Variants in MCU observed in about 807,000 individuals in gnomAD.
MCU encodes calcium uniporter protein, mitochondrial.
Under a neutral mutation model 45.2 loss-of-function variants are expected in MCU, and 12 were observed. The observed-to-expected ratio is 0.27, with a 90% CI of 0.17 to 0.43. The LOEUF is 0.43. Ranked by LOEUF, MCU falls within the 20% of genes least tolerant of loss-of-function variation. The pLI is 1.00. For synonymous variants in MCU, 160 were observed against 165.1 expected (o/e 0.97, Z 0.24); for missense variants, 324 against 436.7 (o/e 0.74, Z 2.30).
chr10:72,838,590 T>C (rs1004348800), intron 2 of MCU, among the ~76,000 whole-genome samples: 3 of 152,132 alleles, frequency 2.0e-5, no homozygotes, highest in African/African-American at 7.2e-5. Flanking sequence ...GAGCTTTGAC[T>C]GCTCACTGCT....
chr10:72,699,973 T>C (rs766431658), intron 1 of MCU, among the ~76,000 whole-genome samples: 4 of 152,074 alleles, frequency 2.6e-5, no homozygotes, highest in Non-Finnish European at 5.9e-5. Context: ...TCCTATTCAA[T>C]TCTTTTCCTA....
At chr10:72,821,101 A>G (rs1487972971) in intron 1 of MCU, among the ~76,000 whole-genome samples, 2 of 152,102 alleles carry the variant, frequency 1.3e-5, no homozygotes, top group Non-Finnish European at 2.9e-5. Flanking sequence ...TTTTTTGTTA[A>G]CTTTGTAACT....
At chr10:72,744,520 C>T (rs1033753550) in intron 1 of MCU, among the ~76,000 whole-genome samples, 1 of 152,170 alleles carries the variant, frequency 6.6e-6, no homozygotes, top group Admixed American at 6.5e-5. Flanking sequence ...GTCCCAGCTA[C>T]TCGGGAGGCT....
At position 72,802,239 on chromosome 10, in the gene MCU, A is replaced by C. The variant is rs143240971; in HGVS notation, c.151-32120A>C. 9.5e-4 allele frequency among the ~76,000 whole-genome samples: 145 copies of C among 152,256 alleles called. 1 individual carries two copies. In the South Asian group the frequency reaches 0.015, roughly 16 times the overall value. On this transcript the variant is annotated intron_variant, in intron 1 of 7. Transcript: ENST00000373053. The stretch of plus-strand genomic sequence containing the variant: ...GATTTTCCCTGCCTCCTTTTAAACG[A>C]TCATCTATCATTGCTTCAGTAGCTT...
At chr10:72,728,337 G>A (rs564737948) in intron 1 of MCU, among the ~76,000 whole-genome samples, 22 of 152,238 alleles carry the variant, frequency 1.4e-4, no homozygotes, top group African/African-American at 5.1e-4. Flanking sequence ...TGAGAAATTC[G>A]CCAAACGAGA....
At chr10:72,873,269 C>T (rs192587824) in intron 6 of MCU, among the ~76,000 whole-genome samples, 12 of 152,012 alleles carry the variant, frequency 7.9e-5, no homozygotes, top group African/African-American at 2.4e-4. Flanking sequence ...CCACCTGCCT[C>T]GGCCTCCCAA....
intron 1 of MCU, among the ~76,000 whole-genome samples, chr10:72,746,654 T>G (rs1843419052): frequency 6.6e-6 from 1 of 152,238 alleles, no homozygotes; most frequent in Non-Finnish European, 1.5e-5. Context: ...CTTATGTGTT[T>G]GGGGATTCTG....
At chr10:72,780,569 G>C (rs560589607) in intron 1 of MCU, among the ~76,000 whole-genome samples, 1 of 96,276 alleles carries the variant, frequency 1.0e-5, no homozygotes, top group South Asian at 4.1e-4. Flanking sequence ...ATTTGGAAGA[G>C]AGGAAGAGAG....
chr10:72,788,312 A>G (rs541607471), intron 1 of MCU, among the ~76,000 whole-genome samples: 6 of 152,272 alleles, frequency 3.9e-5, no homozygotes, highest in Admixed American at 2.6e-4. Context: ...ACACATAGGT[A>G]GTAGGCTGGC....
chr10:72,874,547 A>G (rs2132890585), intron 6 of MCU, among the ~76,000 whole-genome samples: 1 of 152,312 alleles, frequency 6.6e-6, no homozygotes, highest in South Asian at 2.1e-4. Flanking sequence ...GTTTGGGGAA[A>G]TGATAGCACA....
chr10:72,773,072 A>C (rs978306877), intron 1 of MCU, among the ~76,000 whole-genome samples: 13 of 151,976 alleles, frequency 8.6e-5, no homozygotes, highest in African/African-American at 3.1e-4. Context: ...CTAATTTTTG[A>C]ATATTTTGTA....
intron 6 of MCU, among the ~76,000 whole-genome samples, chr10:72,872,180 G>A (rs758168276): frequency 1.3e-5 from 2 of 151,914 alleles, no homozygotes; most frequent in African/African-American, 4.8e-5. Flanking sequence ...GGGTGTCTGT[G>A]CATGTATACA....
chr10:72,731,090 A>G (rs1480564526), intron 1 of MCU: 1 of 152,108 alleles, frequency 6.6e-6, no homozygotes, highest in African/African-American at 2.4e-5. Context: ...ACCTGGCCCC[A>G]GTTTATATAT....
intron 1 of MCU, among the ~76,000 whole-genome samples, chr10:72,821,184 A>G (rs891794634): frequency 4.6e-5 from 7 of 152,022 alleles, no homozygotes; most frequent in Admixed American, 6.5e-5. Context: ...TACAACGGGA[A>G]CAAAGATCCA....
intron 1 of MCU, among the ~76,000 whole-genome samples, chr10:72,733,197 G>C (rs975254566): frequency 1.3e-5 from 2 of 152,188 alleles, no homozygotes; most frequent in Admixed American, 1.3e-4. Flanking sequence ...AGTGGCTCAC[G>C]CCTGTAATCC....
At chr10:72,790,575 AGAT>A (rs1239404533) in intron 1 of MCU, among the ~76,000 whole-genome samples, 3 of 152,194 alleles carry the variant, frequency 2.0e-5, no homozygotes, top group South Asian at 2.1e-4. Context: ...GGATGATTGG[AGAT>A]GATGATATAA....
At chr10:72,779,690 A>G (rs1199964881) in intron 1 of MCU, among the ~76,000 whole-genome samples, 1 of 152,240 alleles carries the variant, frequency 6.6e-6, no homozygotes, top group Admixed American at 6.5e-5. Flanking sequence ...GCTCAACATC[A>G]TTAGTCATTA....
chr10:72,746,978 C>A (rs1564545421), intron 1 of MCU, among the ~76,000 whole-genome samples: 1 of 152,272 alleles, frequency 6.6e-6, no homozygotes, highest in Non-Finnish European at 1.5e-5. Context: ...ACTGTCTGGG[C>A]CTTTTCAGCC....
At chr10:72,792,767 C>G (rs1163026616) in intron 1 of MCU, among the ~76,000 whole-genome samples, 1 of 129,150 alleles carries the variant, frequency 7.7e-6, no homozygotes, top group Non-Finnish European at 1.6e-5. Flanking sequence ...ATGTTAAGAT[C>G]TTCTCAGGAG....
Sources: allele counts gnomAD v4.1 joint callset (sites outside exome capture counted in the v4.1 genomes callset), GRCh38; gene constraint gnomAD v4.1.1; transcripts MANE v1.5; gene names NCBI Gene and HGNC (gene_info 2026-07-23, HGNC 2026-07-21).